LINC00305: variants seen among roughly 807,000 people sequenced by gnomAD.
LINC00305 encodes long independently transcribed non-coding RNA 305, also known as long intergenic non-protein coding RNA 305.
intron 1 of LINC00305, among the ~76,000 whole-genome samples, chr18:64,140,918 G>A (rs2051459315): frequency 6.6e-6 from 1 of 152,004 alleles, no homozygotes; most frequent in African/African-American, 2.4e-5. Context: ...GCTTTGCAGG[G>A]GAGGAAGGAG....
At chr18:64,144,462 A>G (rs889084610) in intron 1 of LINC00305, among the ~76,000 whole-genome samples, 3 of 152,172 alleles carry the variant, frequency 2.0e-5, no homozygotes, top group East Asian at 3.9e-4. Context: ...TTTTTTGCCC[A>G]GTGAGACCTG....
At chr18:64,128,479 T>G (rs2051395307) in intron 1 of LINC00305, among the ~76,000 whole-genome samples, 1 of 152,198 alleles carries the variant, frequency 6.6e-6, no homozygotes. Context: ...ACTACAGTCT[T>G]GGTGGGTGTG....
chr18:64,107,307 A>G (rs1478969480), intron 1 of LINC00305, among the ~76,000 whole-genome samples: 1 of 152,228 alleles, frequency 6.6e-6, no homozygotes, highest in Admixed American at 6.5e-5. Context: ...GTGCTACGAA[A>G]CACTGGGGAC....
chr18:64,107,758 T>G (rs929049031), intron 1 of LINC00305, among the ~76,000 whole-genome samples: 1 of 152,190 alleles, frequency 6.6e-6, no homozygotes, highest in South Asian at 2.1e-4. Context: ...ATGTATCTTA[T>G]AGGGTAGAGT....
chr18:64,102,453 G>A (rs2051271016), intron 1 of LINC00305, among the ~76,000 whole-genome samples: 2 of 151,958 alleles, frequency 1.3e-5, no homozygotes, highest in African/African-American at 4.8e-5. Flanking sequence ...TTTTATATTG[G>A]GAACATAAGT....
intron 1 of LINC00305, among the ~76,000 whole-genome samples, chr18:64,102,955 G>A (rs2051273650): frequency 6.6e-6 from 1 of 152,166 alleles, no homozygotes; most frequent in Non-Finnish European, 1.5e-5. Flanking sequence ...TGGGGACACA[G>A]ATCCACCCCA....
chr18:64,144,899 C>G (rs914185708), intron 1 of LINC00305, among the ~76,000 whole-genome samples: 1 of 152,074 alleles, frequency 6.6e-6, no homozygotes, highest in African/African-American at 2.4e-5. Context: ...AGCAGATGTT[C>G]ATACCTCTGG....
At chr18:64,105,966 G>C (rs150848065) in intron 1 of LINC00305, among the ~76,000 whole-genome samples, 3 of 152,182 alleles carry the variant, frequency 2.0e-5, no homozygotes, top group Non-Finnish European at 4.4e-5. Flanking sequence ...CCTGCAATTG[G>C]CCATACCTGG....
chr18:64,138,611 T>C (rs1236566434), intron 1 of LINC00305, among the ~76,000 whole-genome samples: 2 of 152,186 alleles, frequency 1.3e-5, no homozygotes, highest in African/African-American at 4.8e-5. Context: ...CATGTGAAAA[T>C]GCAGAGCAGC....
intron 1 of LINC00305, among the ~76,000 whole-genome samples, chr18:64,116,904 T>C (rs2051340283): frequency 6.6e-6 from 1 of 152,212 alleles, no homozygotes; most frequent in South Asian, 2.1e-4. Context: ...GGTCCCCTTC[T>C]GAGGGAGCTT....
At chr18:64,090,484 T>C (rs546736631) in intron 3 of LINC00305, among the ~76,000 whole-genome samples, 1 of 152,364 alleles carries the variant, frequency 6.6e-6, no homozygotes, top group South Asian at 2.1e-4. Flanking sequence ...ATGGTGATTT[T>C]TATGATCAGG....
chr18:64,106,190 G>C (rs1007148304), intron 1 of LINC00305, among the ~76,000 whole-genome samples: 8 of 152,156 alleles, frequency 5.3e-5, no homozygotes, highest in Non-Finnish European at 1.0e-4. Context: ...TGGAAGTGTT[G>C]TGTATATTTT....
intron 3 of LINC00305, among the ~76,000 whole-genome samples, chr18:64,094,455 A>T (rs920967067): frequency 6.6e-6 from 1 of 152,160 alleles, no homozygotes; most frequent in African/African-American, 2.4e-5. Context: ...GCTGGAGAGT[A>T]AGGATCAGCC....
At chr18:64,105,502 T>A (rs2051286357) in intron 1 of LINC00305, among the ~76,000 whole-genome samples, 1 of 152,076 alleles carries the variant, frequency 6.6e-6, no homozygotes, top group Non-Finnish European at 1.5e-5. Flanking sequence ...GTGAAATTGA[T>A]CATTAAAAAT....
At chr18:64,099,712 C>A (rs4941243) in intron 1 of LINC00305, among the ~76,000 whole-genome samples, 9,303 of 152,198 alleles carry the variant, frequency 0.061, 365 homozygotes, top group Non-Finnish European at 0.085. Flanking sequence ...TAAAATCCAG[C>A]CCCTTGGTTT....
intron 1 of LINC00305, among the ~76,000 whole-genome samples, chr18:64,122,089 C>T (rs974139352): frequency 7.9e-5 from 12 of 151,988 alleles, no homozygotes; most frequent in African/African-American, 2.7e-4. Context: ...GGTATGAATC[C>T]TCTGTCAGAT....
rs149085275 is a variant in LINC00305, at chr18:64,107,810, C to T, written n.315-9170G>A. 1.3e-3 allele frequency among the ~76,000 whole-genome samples: 193 copies of T among 152,258 alleles called. 1 individual carries two copies. Among genetic ancestry groups the T allele is most frequent in the African/African-American group, 4.3e-3 (179 of 41,550 alleles). The stretch of plus-strand genomic sequence containing the variant: ...ACCTTCCAGAGGGAGGATTAAAGGT[C>T]GGTGAGGCCCTACCACCTGAGACCT... On this transcript the variant is annotated intron_variant and non_coding_transcript_variant, in intron 1 of 3. Transcript: ENST00000666468.
At chr18:64,095,241 A>G (rs1280536043) in intron 3 of LINC00305, among the ~76,000 whole-genome samples, 2 of 152,184 alleles carry the variant, frequency 1.3e-5, no homozygotes, top group Non-Finnish European at 2.9e-5. Context: ...ACAGGCAAGC[A>G]TGAGGCTAGG....
chr18:64,100,464 C>G (rs933986917), intron 1 of LINC00305, among the ~76,000 whole-genome samples: 1 of 152,082 alleles, frequency 6.6e-6, no homozygotes, highest in Non-Finnish European at 1.5e-5. Context: ...CAGTACAACT[C>G]GAAGCAGTCA....
Sources: gnomAD v4.1 joint callset for allele counts (sites outside exome capture counted in the v4.1 genomes callset) on GRCh38, gnomAD v4.1.1 for gene constraint, MANE v1.5 for transcripts, NCBI Gene and HGNC (gene_info 2026-07-23, HGNC 2026-07-21) for gene names.